Variants in LRRC69 observed in about 807,000 individuals in gnomAD.
LRRC69 encodes leucine-rich repeat-containing protein 69.
A neutral mutation model predicts 37.8 loss-of-function variants in LRRC69; 42 were observed. The observed-to-expected ratio is 1.11, with a 90% CI of 0.87 to 1.44. The LOEUF (loss-of-function observed/expected upper bound fraction) is 1.44, where lower values mean the gene tolerates loss of function less well. Among genes scored for constraint, LRRC69 ranks in the 40% most tolerant of loss-of-function variants. The probability of loss-of-function intolerance (pLI) is 0.00; values close to 1 mark genes in which losing one functional copy is unlikely to be tolerated. For synonymous variants in LRRC69, 141 were observed against 143.1 expected (o/e 0.99, Z 0.11); for missense variants, 357 against 401.9 (o/e 0.89, Z 0.96).
chr8:91,210,810 G>A (rs1192782021), intron 7 of LRRC69, among the ~76,000 whole-genome samples: 1 of 149,080 alleles, frequency 6.7e-6, no homozygotes, highest in Non-Finnish European at 1.5e-5. Flanking sequence ...CATTAGCTAG[G>A]ATCTACACCC....
chr8:91,192,245 T>A (rs1809510908), intron 6 of LRRC69, among the ~76,000 whole-genome samples: 1 of 152,138 alleles, frequency 6.6e-6, no homozygotes, highest in Non-Finnish European at 1.5e-5. Context: ...CAGTCTATCA[T>A]TGTTGGACAT....
intron 5 of LRRC69, among the ~76,000 whole-genome samples, chr8:91,159,403 T>C (rs564004374): frequency 2.0e-5 from 3 of 151,290 alleles, no homozygotes; most frequent in Admixed American, 6.6e-5. Flanking sequence ...GTCACATAAG[T>C]AGAATTTCTG....
At chr8:91,176,758 C>T (rs1809239014) in intron 5 of LRRC69, among the ~76,000 whole-genome samples, 1 of 152,068 alleles carries the variant, frequency 6.6e-6, no homozygotes, top group Non-Finnish European at 1.5e-5. Context: ...CCTTTTTGTT[C>T]TAGTCATGCC....
chr8:91,134,210 A>G (rs911667719), intron 4 of LRRC69, among the ~76,000 whole-genome samples: 1 of 151,290 alleles, frequency 6.6e-6, no homozygotes, highest in South Asian at 2.1e-4. Flanking sequence ...ATAATTATGG[A>G]GACTGAGAAG....
At chr8:91,134,757 A>G (rs182044414) in intron 4 of LRRC69, among the ~76,000 whole-genome samples, 2 of 152,186 alleles carry the variant, frequency 1.3e-5, no homozygotes, top group Non-Finnish European at 2.9e-5. Context: ...CAAATAACTC[A>G]GAGAATCTCA....
chr8:91,122,005 T>C (rs774513537), intron 1 of LRRC69, among the ~76,000 whole-genome samples: 1 of 152,080 alleles, frequency 6.6e-6, no homozygotes, highest in Non-Finnish European at 1.5e-5. Flanking sequence ...CTAGTTACTA[T>C]GTATCTTCAT....
chr8:91,163,972 A>T (rs2130569448), intron 5 of LRRC69, among the ~76,000 whole-genome samples: 1 of 151,628 alleles, frequency 6.6e-6, no homozygotes, highest in East Asian at 2.0e-4. Flanking sequence ...AAGGTATCTC[A>T]AGAGACTTCC....
chr8:91,127,191 C>T, intron 3 of LRRC69, 31 bp downstream of exon 3: 3 of 1,484,842 alleles, frequency 2.0e-6, no homozygotes, highest in Non-Finnish European at 2.8e-6. Flanking sequence ...ACTTGGTTAA[C>T]AATCGTGCCC....
intron 1 of LRRC69, among the ~76,000 whole-genome samples, chr8:91,124,090 T>G (rs1813676131): frequency 6.6e-6 from 1 of 151,970 alleles, no homozygotes; most frequent in African/African-American, 2.4e-5. Flanking sequence ...CTCAGATCTT[T>G]GGCTATGTTT....
chr8:91,139,528 GC>G (rs75936516), intron 5 of LRRC69, among the ~76,000 whole-genome samples: 150,758 of 150,764 alleles, frequency 1, 75,376 homozygotes, highest in Middle Eastern at 1. Context: ...GCCCACTTCG[GC>G]CCTCTCAAAG....
chr8:91,158,051 A>T, intron 5 of LRRC69: 1 of 1,363,984 alleles, frequency 7.3e-7, no homozygotes, highest in Non-Finnish European at 1.0e-6. Flanking sequence ...CTTTAAAAAC[A>T]TGACCACAAG....
intron 5 of LRRC69, among the ~76,000 whole-genome samples, chr8:91,145,188 A>G (rs1369399082): frequency 6.6e-6 from 1 of 151,980 alleles, no homozygotes; most frequent in Non-Finnish European, 1.5e-5. Context: ...CAAAACTCCT[A>G]TCAAAACTTT....
chr8:91,131,557 A>C (rs972843802), intron 3 of LRRC69, among the ~76,000 whole-genome samples: 6 of 151,860 alleles, frequency 4.0e-5, no homozygotes, highest in Admixed American at 3.9e-4. Context: ...TATAGTTTTC[A>C]GTGTAGAGGT....
chr8:91,145,943 T>C (rs1808611778), intron 5 of LRRC69, among the ~76,000 whole-genome samples: 1 of 151,874 alleles, frequency 6.6e-6, no homozygotes, highest in Non-Finnish European at 1.5e-5. Context: ...GATGCAATGG[T>C]GATTTTGTTC....
At chr8:91,169,968 A>G (rs1356908347) in intron 5 of LRRC69, among the ~76,000 whole-genome samples, 1 of 100,508 alleles carries the variant, frequency 9.9e-6, no homozygotes, top group Admixed American at 9.2e-5. Context: ...ATTGTGAATA[A>G]TGCCACAATA....
At chr8:91,148,802 G>GTGGTTT (rs1276911244) in intron 5 of LRRC69, among the ~76,000 whole-genome samples, 39 of 151,948 alleles carry the variant, frequency 2.6e-4, no homozygotes, top group Non-Finnish European at 1.6e-4. Flanking sequence ...TTATCTCATT[G>GTGGTTT]TGGTTTTGAT....
chr8:91,181,133 G>T (rs6471272), intron 5 of LRRC69, among the ~76,000 whole-genome samples: 102,954 of 151,290 alleles, frequency 0.68, 35,520 homozygotes, highest in African/African-American at 0.76. Context: ...ATGCTGAAAA[G>T]AATGAATTAA....
chr8:91,160,911 C>T (rs957724985), intron 5 of LRRC69, among the ~76,000 whole-genome samples: 2 of 151,186 alleles, frequency 1.3e-5, no homozygotes, highest in Non-Finnish European at 3.0e-5. Flanking sequence ...TCCATACTCA[C>T]TATGATTTTA....
At chr8:91,159,317 A>G (rs574872263) in intron 5 of LRRC69, among the ~76,000 whole-genome samples, 1 of 151,422 alleles carries the variant, frequency 6.6e-6, no homozygotes, top group South Asian at 2.1e-4. Flanking sequence ...GTTGAGATAC[A>G]ATTCTATAGA....
Sources: allele counts gnomAD v4.1 joint callset (sites outside exome capture counted in the v4.1 genomes callset), GRCh38; gene constraint gnomAD v4.1.1; transcripts MANE v1.5; gene names NCBI Gene and HGNC (gene_info 2026-07-23, HGNC 2026-07-21).